The following PHLDB2 variants were observed in gnomAD, a reference collection of about 807,000 sequenced individuals.
PHLDB2 encodes the protein pleckstrin homology like domain family B member 2.
A neutral mutation model predicts 123.6 loss-of-function variants in PHLDB2; 71 were observed. The ratio of observed to expected loss-of-function variants is 0.57; its 90% confidence interval spans 0.47 to 0.70. The LOEUF (loss-of-function observed/expected upper bound fraction) is 0.70. Among genes scored for constraint, PHLDB2 ranks in the 30% least tolerant of loss-of-function variants. The pLI is 0.00. For missense variants in PHLDB2, 1,446 were observed against 1,519.5 expected, an observed-to-expected ratio of 0.95 and a Z score of 0.80; for synonymous variants, 547 against 541.6, an observed-to-expected ratio of 1.01 and a Z score of -0.14.
chr3:111,811,968 T>G (rs751963380), intron 1 of PHLDB2, among the ~76,000 whole-genome samples: 7 of 152,162 alleles, frequency 4.6e-5, no homozygotes, highest in Non-Finnish European at 1.0e-4. Context: ...TGCCCCAAGG[T>G]GAGAGAAAAT....
At chr3:111,774,377 A>T (rs1283168125) in intron 1 of PHLDB2, among the ~76,000 whole-genome samples, 3 of 152,182 alleles carry the variant, frequency 2.0e-5, no homozygotes, top group African/African-American at 7.2e-5. Context: ...ACAGAAAAAA[A>T]ATTGATCAAA....
chr3:111,791,602 T>G (rs557758305), intron 1 of PHLDB2, among the ~76,000 whole-genome samples: 1 of 152,336 alleles, frequency 6.6e-6, no homozygotes, highest in African/African-American at 2.4e-5. Flanking sequence ...GTCAGACTTT[T>G]TTGCTTTTAA....
chr3:111,782,014 A>G (rs998725060), intron 1 of PHLDB2, among the ~76,000 whole-genome samples: 10 of 152,078 alleles, frequency 6.6e-5, no homozygotes, highest in Non-Finnish European at 1.0e-4. Context: ...AGAATGCCTT[A>G]TCTCTATTTC....
upstream of PHLDB2, among the ~76,000 whole-genome samples, chr3:111,857,460 A>AAAAG (rs1553741300): frequency 1.8e-3 from 145 of 81,064 alleles, 1 homozygote; most frequent in South Asian, 0.047. Flanking sequence ...CAAAAAAAAA[A>AAAAG]AAAAGAAAAG....
chr3:111,954,977 T>G (rs1577185337), intron 12 of PHLDB2, among the ~76,000 whole-genome samples: 1 of 152,126 alleles, frequency 6.6e-6, no homozygotes, highest in Non-Finnish European at 1.5e-5. Context: ...TTCTAGCTCT[T>G]TGGCCTCTCT....
intron 2 of PHLDB2, 110 bp from the exon 3 acceptor site, chr3:111,913,209 T>G: frequency 8.4e-7 from 1 of 1,196,556 alleles, no homozygotes. Flanking sequence ...TGTTTGTGGG[T>G]TTATGTATGG....
chr3:111,736,488 A>T (rs2107907416), intron 1 of PHLDB2, among the ~76,000 whole-genome samples: 1 of 152,298 alleles, frequency 6.6e-6, no homozygotes, highest in Admixed American at 6.5e-5. Context: ...ATACAGGTGA[A>T]TGGCCTTCTC....
chr3:111,900,017 T>C (rs2067099578), intron 2 of PHLDB2, among the ~76,000 whole-genome samples: 1 of 152,246 alleles, frequency 6.6e-6, no homozygotes, highest in Non-Finnish European at 1.5e-5. Context: ...TTTTATGTTA[T>C]GGAGACAATG....
chr3:111,902,286 TTAATG>T (rs532749756), intron 2 of PHLDB2, among the ~76,000 whole-genome samples: 115 of 152,212 alleles, frequency 7.6e-4, no homozygotes, highest in Middle Eastern at 3.4e-3. Context: ...AAGAATGTGT[TTAATG>T]TAAATGAAAA....
chr3:111,863,377 A>C (rs1190073853), intron 1 of PHLDB2, among the ~76,000 whole-genome samples: 1 of 152,208 alleles, frequency 6.6e-6, no homozygotes, highest in East Asian at 1.9e-4. Context: ...AGAATTACAG[A>C]GGCCTCCTGA....
At position 111,976,156 on chromosome 3, in the gene PHLDB2, T is replaced by A. The variant is rs565943066; in HGVS notation, c.*1593T>A. 1.8e-4 allele frequency: 28 copies of A among 152,550 alleles called. No individual in the cohort carries two copies. Among genetic ancestry groups the A allele is most frequent in the Non-Finnish European group, 2.9e-4 (20 of 68,030 alleles). 9.4% of individuals were successfully genotyped at this position (152,550 alleles called of 1,614,324 possible). On this transcript the variant is annotated 3_prime_UTR_variant, in exon 18 of 18. Transcript: ENST00000431670. ...TCTGCACTGTACTCTCTTCATAGGA[T>A]TGTAAAGGTGTTCTAATCCAATTGC...
chr3:111,959,094 G>T (rs537815965), intron 12 of PHLDB2, among the ~76,000 whole-genome samples: 1 of 152,338 alleles, frequency 6.6e-6, no homozygotes, highest in African/African-American at 2.4e-5. Context: ...CTCTCCTTGG[G>T]CCTCCTACCA....
chr3:111,837,096 A>T (rs114288762), intron 1 of PHLDB2, among the ~76,000 whole-genome samples: 2,803 of 152,244 alleles, frequency 0.018, 35 homozygotes, highest in Middle Eastern at 0.031. Flanking sequence ...CTGTTATAAC[A>T]TTGTTATAGT....
intron 8 of PHLDB2, among the ~76,000 whole-genome samples, chr3:111,941,555 C>G (rs1300054356): frequency 6.6e-6 from 1 of 152,166 alleles, no homozygotes; most frequent in Non-Finnish European, 1.5e-5. Flanking sequence ...GCCTACAATC[C>G]CAGCATTTTG....
intron 2 of PHLDB2, among the ~76,000 whole-genome samples, chr3:111,898,176 G>GTGTT (rs879758307): frequency 5.4e-4 from 64 of 119,148 alleles, no homozygotes; most frequent in Middle Eastern, 8.1e-3. Flanking sequence ...GTGTGTGTGT[G>GTGTT]TGTGTTTGTG....
At chr3:111,888,607 A>G (rs2066308470) in intron 2 of PHLDB2, among the ~76,000 whole-genome samples, 1 of 152,240 alleles carries the variant, frequency 6.6e-6, no homozygotes, top group Non-Finnish European at 1.5e-5. Context: ...CTTGTAAGGT[A>G]CTAATCTCTG....
chr3:111,865,056 G>A (rs1444228251), intron 1 of PHLDB2, among the ~76,000 whole-genome samples: 1 of 152,128 alleles, frequency 6.6e-6, no homozygotes, highest in Non-Finnish European at 1.5e-5. Flanking sequence ...AAAGATAAAG[G>A]CAAAAGAAAC....
intron 5 of PHLDB2, among the ~76,000 whole-genome samples, chr3:111,929,296 A>T (rs906509073): frequency 1.3e-5 from 2 of 152,080 alleles, no homozygotes; most frequent in African/African-American, 4.8e-5. Context: ...TTTTTTCCTG[A>T]AAGTACATTT....
chr3:111,863,321 TAA>T (rs1382477250), intron 1 of PHLDB2, among the ~76,000 whole-genome samples: 4 of 152,094 alleles, frequency 2.6e-5, no homozygotes, highest in African/African-American at 9.7e-5. Flanking sequence ...CCTTATCGGT[TAA>T]GAGTAGAGTA....
Sources: allele counts gnomAD v4.1 joint callset (sites outside exome capture counted in the v4.1 genomes callset), GRCh38; gene constraint gnomAD v4.1.1; transcripts MANE v1.5; gene names NCBI Gene and HGNC (gene_info 2026-07-23, HGNC 2026-07-21).